Variants in TBC1D30 observed in about 807,000 individuals in gnomAD.
The protein encoded by TBC1D30 is TBC1 domain family, member 30.
A neutral mutation model predicts 63.2 loss-of-function variants in TBC1D30; 31 were observed. That is an observed-to-expected ratio of 0.49 (90% confidence interval 0.37 to 0.66). The LOEUF is 0.66. Ranked by LOEUF, TBC1D30 falls within the 30% of genes least tolerant of loss-of-function variation. The pLI, the probability that TBC1D30 is intolerant of heterozygous loss-of-function variation, is 0.00. For missense variants in TBC1D30, 810 were observed against 953.6 expected, an observed-to-expected ratio of 0.85 and a Z score of 1.98; for synonymous variants, 307 against 361.5, an observed-to-expected ratio of 0.85 and a Z score of 1.71.
chr12:64,844,626 T>G (rs770459276), intron 8 of TBC1D30, among the ~76,000 whole-genome samples: 27 of 152,236 alleles, frequency 1.8e-4, no homozygotes, highest in Non-Finnish European at 3.2e-4. Context: ...ATTCATTCTT[T>G]CTAACTACTT....
At chr12:64,808,357 G>A (rs1208898032) in intron 2 of TBC1D30, among the ~76,000 whole-genome samples, 1 of 152,114 alleles carries the variant, frequency 6.6e-6, no homozygotes, top group African/African-American at 2.4e-5. Context: ...TGGCCACGTG[G>A]CATTGCAATA....
chr12:64,786,663 A>G (rs1359208751), intron 2 of TBC1D30, among the ~76,000 whole-genome samples: 1 of 152,094 alleles, frequency 6.6e-6, no homozygotes, highest in African/African-American at 2.4e-5. Context: ...TTAAAACAGC[A>G]TCACTGGCTG....
chr12:64,831,858 T>C (rs1874886066), intron 4 of TBC1D30, among the ~76,000 whole-genome samples: 1 of 152,216 alleles, frequency 6.6e-6, no homozygotes, highest in Non-Finnish European at 1.5e-5. Context: ...CTACTTTTTG[T>C]GGTAATCCTG....
chr12:64,813,300 GA>G (rs1873326041), intron 2 of TBC1D30, among the ~76,000 whole-genome samples: 1 of 152,136 alleles, frequency 6.6e-6, no homozygotes, highest in Admixed American at 6.5e-5. Flanking sequence ...TGAGGCAGGA[GA>G]ACTGCTTGAA....
chr12:64,800,762 G>T (rs1872549504), intron 2 of TBC1D30, among the ~76,000 whole-genome samples: 1 of 152,114 alleles, frequency 6.6e-6, no homozygotes, highest in Non-Finnish European at 1.5e-5. Context: ...GGAGATGCAG[G>T]GTTAGCTTCC....
Position 64,875,959 on chromosome 12 carries a change from G to T in TBC1D30, c.*171G>T. 3.3e-6 allele frequency: 2 copies of T among 599,664 alleles called. No homozygotes were observed. The highest frequency in any genetic ancestry group is 5.3e-6 in the Non-Finnish European group (2 of 373,856). 37.1% of individuals were successfully genotyped at this position (599,664 alleles called of 1,614,324 possible). ...AGTTTTATAATAGGAGTTAGAACAG[G>T]GCTGTTTTCCCAGCTACTTGCTAAC... On this transcript the variant is annotated 3_prime_UTR_variant, in exon 12 of 12. Transcript: ENST00000539867.
intron 2 of TBC1D30, among the ~76,000 whole-genome samples, chr12:64,819,586 T>A (rs1376183967): frequency 6.6e-6 from 1 of 151,888 alleles, no homozygotes; most frequent in African/African-American, 2.4e-5. Flanking sequence ...CCAGCTAATT[T>A]TTGTATTTTT....
At chr12:64,769,116 C>G (rs1391163728) in intron 1 of TBC1D30, among the ~76,000 whole-genome samples, 1 of 151,964 alleles carries the variant, frequency 6.6e-6, no homozygotes, top group Non-Finnish European at 1.5e-5. Context: ...AGTAGTTGTA[C>G]CACTGCACTC....
rs558167407 is a variant in TBC1D30 at position 64,830,511 on chromosome 12, C to G, written c.408+9C>G. 6.6e-7 allele frequency: 1 copy of G among 1,520,290 alleles called. No individual in the cohort carries two copies. Among genetic ancestry groups the G allele is most frequent in the East Asian group, 2.5e-5 (1 of 40,628 alleles). The allele number at this position is 1,520,290 out of a possible 1,614,324, so 94.2% of individuals were successfully genotyped here. On this transcript the variant is annotated intron_variant, in intron 4 of 11. Transcript: ENST00000539867. ...GAATTCAGATAGTCAAGGTAATGCC[C>G]CTGAACTTGGCCTGTCATCCTAATA... is the stretch of plus-strand genomic sequence containing the variant.
chr12:64,871,052 G>A (rs549796004), intron 11 of TBC1D30, among the ~76,000 whole-genome samples: 6 of 152,268 alleles, frequency 3.9e-5, no homozygotes, highest in South Asian at 2.1e-4. Flanking sequence ...TATTAAACAC[G>A]TCTCTACTGT....
At chr12:64,853,026 G>A (rs1036547388) in intron 8 of TBC1D30, among the ~76,000 whole-genome samples, 1 of 152,142 alleles carries the variant, frequency 6.6e-6, no homozygotes, top group African/African-American at 2.4e-5. Context: ...TGTGCGGAGA[G>A]ATCCACTGCT....
At position 64,876,653 on chromosome 12, in the gene TBC1D30, T is replaced by G. The variant is rs1052336426; in HGVS notation, c.*865T>G. 3.5e-5 allele frequency: 14 copies of G among 397,168 alleles called. No individual in the cohort carries two copies. The highest frequency in any genetic ancestry group is 2.6e-4 in the South Asian group (14 of 53,394). 24.6% of individuals were successfully genotyped at this position (397,168 alleles called of 1,614,324 possible). A position where few individuals can be genotyped will look rare whatever the true frequency, so the allele number is the denominator to read the frequency against. ...ACACAGCTCACTCACCCACCAGCTC[T>G]AGACTGCAGACGCACAAGGCCTCTG... On this transcript the variant is annotated 3_prime_UTR_variant, in exon 12 of 12. Transcript: ENST00000539867.
intron 2 of TBC1D30, among the ~76,000 whole-genome samples, chr12:64,789,288 G>A (rs779929678): frequency 1.3e-5 from 2 of 150,136 alleles, no homozygotes; most frequent in African/African-American, 4.9e-5. Flanking sequence ...GGGTTCAAGC[G>A]ATCCTCTTAC....
chr12:64,815,497 T>G (rs1450594653), intron 2 of TBC1D30, among the ~76,000 whole-genome samples: 1 of 152,228 alleles, frequency 6.6e-6, no homozygotes, highest in Non-Finnish European at 1.5e-5. Flanking sequence ...TCTACTTTCA[T>G]TTTTTAAATT....
Position 64,828,430 on chromosome 12 carries a change from T to G in TBC1D30, c.217-14T>G, listed in dbSNP as rs1241166557. 1.8e-5 allele frequency: 27 copies of G among 1,533,370 alleles called. No individual in the cohort carries two copies. Among genetic ancestry groups the G allele is most frequent in the Non-Finnish European group, 2.2e-5 (25 of 1,144,674 alleles). 95.0% of individuals were successfully genotyped at this position (1,533,370 alleles called of 1,614,324 possible). ...CACTGTGATCACCTCCTGGGATTTC[T>G]TCTTTGTTCCTAGTGGTACGATGCT... On this transcript the variant is annotated splice_polypyrimidine_tract_variant and intron_variant, in intron 2 of 11. Transcript: ENST00000539867.
At chr12:64,843,299 A>G in intron 7 of TBC1D30, 81 bp from the exon 8 acceptor site, 1 of 1,262,376 alleles carries the variant, frequency 7.9e-7, no homozygotes. Context: ...CCAGTCCAAC[A>G]TATCTTATAC....
rs1227763439 is a variant in TBC1D30 at position 64,824,664 on chromosome 12, A to C, written c.-216A>C. 1.8e-6 allele frequency: 1 copy of C among 544,494 alleles called. No homozygotes were observed. Among genetic ancestry groups the C allele is most frequent in the Non-Finnish European group, 3.1e-6 (1 of 323,228 alleles). The allele number at this position is 544,494 out of a possible 1,614,324, so 33.7% of individuals were successfully genotyped here. On this transcript the variant is annotated 5_prime_UTR_variant, in exon 1 of 12. Coordinates refer to ENST00000539867, the MANE Select transcript of TBC1D30 (RefSeq NM_015279.2). ...CCTGCCTCAGCCTTGCAGGCTCCGC[A>C]CTGCAGATGCCTGCTGGCTTCCCTG...
At chr12:64,828,554 C>A in intron 3 of TBC1D30, 45 bp downstream of exon 3, 1 of 1,339,996 alleles carries the variant, frequency 7.5e-7, no homozygotes, top group Non-Finnish European at 1.0e-6. Flanking sequence ...ATCATCACTG[C>A]CCTTCTTTAG....
intron 5 of TBC1D30, among the ~76,000 whole-genome samples, chr12:64,834,707 C>CT (rs11374555): frequency 0.31 from 23,549 of 76,246 alleles, 4,945 homozygotes; most frequent in Non-Finnish European, 0.4. Flanking sequence ...CCGTGCCGGG[C>CT]TTTTTTTTTT....
Sources: allele counts gnomAD v4.1 joint callset (sites outside exome capture counted in the v4.1 genomes callset), GRCh38; gene constraint gnomAD v4.1.1; transcripts MANE v1.5; gene names NCBI Gene and HGNC (gene_info 2026-07-23, HGNC 2026-07-21).